Variants in FAM151B observed in about 807,000 individuals in gnomAD.
FAM151B encodes the protein protein FAM151B.
A neutral mutation model predicts 31.2 loss-of-function variants in FAM151B; 24 were observed. The observed-to-expected ratio is 0.77, with a 90% CI of 0.56 to 1.08. FAM151B has a LOEUF of 1.08. FAM151B is among the 50% of genes least tolerant of loss of function. FAM151B has a pLI of 0.00. For synonymous variants in FAM151B, 105 were observed against 111.4 expected (o/e 0.94, Z 0.36); for missense variants, 293 against 328.6 (o/e 0.89, Z 0.84).
At chr5:80,492,199 G>T (rs369647225) in intron 1 of FAM151B, among the ~76,000 whole-genome samples, 1 of 151,842 alleles carries the variant, frequency 6.6e-6, no homozygotes, top group African/African-American at 2.4e-5. Context: ...CAAATTGAAG[G>T]TTTGTAGCAA....
intron 1 of FAM151B, among the ~76,000 whole-genome samples, chr5:80,488,652 G>T (rs1458920689): frequency 6.6e-6 from 1 of 152,192 alleles, no homozygotes; most frequent in African/African-American, 2.4e-5. Context: ...CAGCAGTTCC[G>T]CTCTTGAAGG....
At chr5:80,499,454 A>G (rs976861048) in intron 1 of FAM151B, among the ~76,000 whole-genome samples, 32 of 152,236 alleles carry the variant, frequency 2.1e-4, no homozygotes, top group Non-Finnish European at 2.9e-5. Flanking sequence ...GATATGCAGT[A>G]AGATATGCAA....
intron 3 of FAM151B, among the ~76,000 whole-genome samples, chr5:80,515,977 T>C (rs940386193): frequency 2.0e-5 from 3 of 152,238 alleles, no homozygotes; most frequent in Non-Finnish European, 4.4e-5. Context: ...AGTTAAGTTT[T>C]AGTAGTTCTT....
chr5:80,526,453 C>CAA lies in FAM151B; in HGVS notation c.671+4331_671+4332dup, dbSNP rs35345817. ...GTGAAACACCATCTCTACTAAAGTC[C>CAA]AAAAAAAAAAAAAAAAATTAGCCAT... is the stretch of plus-strand genomic sequence containing the variant. On this transcript the variant is annotated intron_variant, in intron 5 of 5. Transcript: ENST00000282226. Among the ~76,000 whole-genome samples, 186 of 127,026 alleles carry CAA rather than the reference C, an allele frequency of 1.5e-3. 1 individual carries two copies. Among genetic ancestry groups the CAA allele is most frequent in the East Asian group, 3.9e-3 (17 of 4,362 alleles). The allele number at this position is 127,026 out of a possible 152,430, so 83.3% of individuals were successfully genotyped here.
intron 1 of FAM151B, among the ~76,000 whole-genome samples, chr5:80,494,656 GCACA>G (rs1029373737): frequency 5.9e-5 from 9 of 151,802 alleles, no homozygotes; most frequent in Non-Finnish European, 8.8e-5. Flanking sequence ...GGAACTATAG[GCACA>G]CACCACCACG....
intron 5 of FAM151B, among the ~76,000 whole-genome samples, chr5:80,535,246 A>G (rs1180220446): frequency 2.0e-5 from 3 of 152,214 alleles, no homozygotes; most frequent in Non-Finnish European, 4.4e-5. Context: ...AATATTTTAA[A>G]AATCCTAAAC....
chr5:80,521,878 GA>G, intron 4 of FAM151B, 124 bp from the exon 5 acceptor site: 1 of 588,770 alleles, frequency 1.7e-6, no homozygotes, highest in Non-Finnish European at 2.6e-6. Flanking sequence ...AATCCAAATG[GA>G]AAGTATTATG....
At chr5:80,517,190 T>G (rs150561828) in intron 3 of FAM151B, among the ~76,000 whole-genome samples, 1 of 152,184 alleles carries the variant, frequency 6.6e-6, no homozygotes, top group Admixed American at 6.5e-5. Flanking sequence ...TATAGTATAT[T>G]GCTATAATTG....
chr5:80,500,437 G>T (rs1743700743), intron 1 of FAM151B: 1 of 1,085,778 alleles, frequency 9.2e-7, no homozygotes, highest in Non-Finnish European at 1.4e-6. Flanking sequence ...TGAGAAAGAA[G>T]TTTACCCAAA....
intron 2 of FAM151B, among the ~76,000 whole-genome samples, chr5:80,513,157 A>G (rs1018464949): frequency 4.6e-5 from 7 of 152,242 alleles, no homozygotes. Context: ...GCTTTTAAGC[A>G]GTAACTAAAC....
intron 1 of FAM151B, chr5:80,500,360 G>A (rs572811587): frequency 1.2e-5 from 14 of 1,123,864 alleles, no homozygotes; most frequent in African/African-American, 6.1e-5. Flanking sequence ...GAAAGAGAAG[G>A]TTCCTGCTGT....
intron 5 of FAM151B, among the ~76,000 whole-genome samples, chr5:80,537,815 GTTATT>G (rs1358321299): frequency 2.0e-5 from 3 of 152,060 alleles, no homozygotes; most frequent in South Asian, 2.1e-4. Context: ...CATTATTAAT[GTTATT>G]TTATTTAAGT....
At chr5:80,521,289 T>C (rs1452036515) in intron 4 of FAM151B, among the ~76,000 whole-genome samples, 2 of 151,194 alleles carry the variant, frequency 1.3e-5, no homozygotes, top group African/African-American at 4.9e-5. Flanking sequence ...CACACACAGC[T>C]ACTTTTTAAA....
intron 5 of FAM151B, among the ~76,000 whole-genome samples, chr5:80,529,211 C>A (rs1398959142): frequency 1.3e-5 from 2 of 152,104 alleles, no homozygotes; most frequent in African/African-American, 4.8e-5. Flanking sequence ...CACAACATAC[C>A]AGAATCTCTG....
At chr5:80,535,732 A>G (rs1045754078) in intron 5 of FAM151B, among the ~76,000 whole-genome samples, 4 of 152,238 alleles carry the variant, frequency 2.6e-5, no homozygotes, top group Admixed American at 6.5e-5. Context: ...GCAAAAATGG[A>G]CAAATGGGAT....
intron 1 of FAM151B, among the ~76,000 whole-genome samples, chr5:80,488,776 A>T (rs1743207781): frequency 6.6e-6 from 1 of 152,238 alleles, no homozygotes; most frequent in Admixed American, 6.5e-5. Context: ...CGCTTTCACC[A>T]TTCTGACTAG....
chr5:80,520,644 C>CAAAA (rs766500639), intron 4 of FAM151B, among the ~76,000 whole-genome samples: 2 of 67,086 alleles, frequency 3.0e-5, no homozygotes, highest in Non-Finnish European at 5.9e-5. Flanking sequence ...GACTCTGTCT[C>CAAAA]AAAAAAAAAA....
At chr5:80,537,518 C>T in intron 5 of FAM151B, among the ~76,000 whole-genome samples, 3 of 152,308 alleles carry the variant, frequency 2.0e-5, no homozygotes, top group Middle Eastern at 6.8e-3. Context: ...TGGGTTCCCA[C>T]AAAGGTACTT....
intron 5 of FAM151B, among the ~76,000 whole-genome samples, chr5:80,530,551 A>G (rs957627523): frequency 3.3e-5 from 5 of 152,218 alleles, no homozygotes; most frequent in Non-Finnish European, 5.9e-5. Flanking sequence ...CAAGATACAA[A>G]ATCAATGTGC....
Sources: allele counts gnomAD v4.1 joint callset (sites outside exome capture counted in the v4.1 genomes callset), GRCh38; gene constraint gnomAD v4.1.1; transcripts MANE v1.5; gene names NCBI Gene and HGNC (gene_info 2026-07-23, HGNC 2026-07-21).